The following D2HGDH variants were observed in gnomAD, a reference collection of about 807,000 sequenced individuals.
D2HGDH encodes the protein D-2-hydroxyglutarate dehydrogenase.
Under a neutral mutation model 46.9 loss-of-function variants are expected in D2HGDH, and 31 were observed. That is an observed-to-expected ratio of 0.66 (90% CI 0.50 to 0.89). The LOEUF (loss-of-function observed/expected upper bound fraction) is 0.89, where lower values mean the gene tolerates loss of function less well. Ranked by LOEUF, D2HGDH falls within the 40% of genes least tolerant of loss-of-function variation. The pLI, the probability that D2HGDH is intolerant of heterozygous loss-of-function variation, is 0.00. For synonymous variants in D2HGDH, 364 were observed against 332.6 expected (o/e 1.09, Z -1.03); for missense variants, 698 against 720.8 (o/e 0.97, Z 0.36).
chr2:241,763,618 G>C (rs899165926), intron 9 of D2HGDH, among the ~76,000 whole-genome samples: 3 of 152,098 alleles, frequency 2.0e-5, no homozygotes, highest in Non-Finnish European at 4.4e-5. Flanking sequence ...CTACAACATG[G>C]TGACATCGTC....
chr2:241,748,074 C>T (rs1210266072), intron 6 of D2HGDH, among the ~76,000 whole-genome samples: 1 of 152,148 alleles, frequency 6.6e-6, no homozygotes, highest in Non-Finnish European at 1.5e-5. Flanking sequence ...TGGTGCTACT[C>T]AGCCCCCAGG....
intron 9 of D2HGDH, among the ~76,000 whole-genome samples, chr2:241,758,100 G>C (rs2125162923): frequency 6.6e-6 from 1 of 152,330 alleles, no homozygotes; most frequent in South Asian, 2.1e-4. Context: ...AGATGAGTCT[G>C]TGTTTCTGGG....
chr2:241,746,608 G>A (rs933667404), intron 6 of D2HGDH, among the ~76,000 whole-genome samples: 2 of 152,108 alleles, frequency 1.3e-5, no homozygotes, highest in African/African-American at 2.4e-5. Context: ...ACAAAAATTA[G>A]GCTGGGCACA....
intron 8 of D2HGDH, chr2:241,755,238 C>T (rs372332124): frequency 9.0e-7 from 1 of 1,116,582 alleles, no homozygotes. Flanking sequence ...CTTCCCTCCC[C>T]CGTGGCCCAC....
intron 2 of D2HGDH, among the ~76,000 whole-genome samples, chr2:241,737,856 C>T (rs1693365367): frequency 6.6e-6 from 1 of 152,170 alleles, no homozygotes; most frequent in Non-Finnish European, 1.5e-5. Flanking sequence ...GGAACTGGCA[C>T]CAGGTCCTGG....
intron 9 of D2HGDH, among the ~76,000 whole-genome samples, chr2:241,759,959 A>G (rs989379544): frequency 6.6e-6 from 1 of 152,284 alleles, no homozygotes; most frequent in Non-Finnish European, 1.5e-5. Flanking sequence ...ATGTGTGATT[A>G]ACATTTAAAT....
chr2:241,753,171 C>G (rs981780317), intron 8 of D2HGDH, among the ~76,000 whole-genome samples: 6 of 152,222 alleles, frequency 3.9e-5, no homozygotes, highest in African/African-American at 1.4e-4. Context: ...CTGGCTCATG[C>G]TCGACGGGTA....
intron 6 of D2HGDH, among the ~76,000 whole-genome samples, chr2:241,747,243 AGT>A (rs1696097409): frequency 6.6e-6 from 1 of 152,064 alleles, no homozygotes; most frequent in Non-Finnish European, 1.5e-5. Context: ...GTCTGTTTTT[AGT>A]GTCTGTTGTT....
chr2:241,759,221 C>G (rs990239991), intron 9 of D2HGDH, among the ~76,000 whole-genome samples: 1 of 152,124 alleles, frequency 6.6e-6, no homozygotes, highest in African/African-American at 2.4e-5. Context: ...TAGAAGTATA[C>G]GTCGCGTGTT....
At position 241,768,162 on chromosome 2, in the gene D2HGDH, C is replaced by T. The variant is rs1026209541; in HGVS notation, c.*193C>T. The T allele has an allele frequency of 3.0e-5, 26 of 863,912 alleles. No homozygotes were observed. Among genetic ancestry groups the T allele is most frequent in the African/African-American group, 6.9e-5 (4 of 58,390 alleles). 53.5% of individuals were successfully genotyped at this position (863,912 alleles called of 1,614,324 possible). On this transcript the variant is annotated 3_prime_UTR_variant, in exon 10 of 10. Coordinates refer to ENST00000321264, the MANE Select transcript of D2HGDH (RefSeq NM_152783.5). Reference sequence around the variant, plus strand: ...CAGGAGCATCTGGCAGAGTGGGGGGCGTGGCAGGCACCCTCCTTTGCAGGG... The same window carrying T: ...CAGGAGCATCTGGCAGAGTGGGGGGTGTGGCAGGCACCCTCCTTTGCAGGG...
At chr2:241,749,635 T>C (rs1696756656) in intron 6 of D2HGDH, 2 of 320,442 alleles carry the variant, frequency 6.2e-6, no homozygotes, top group East Asian at 1.7e-4. Flanking sequence ...AAAGGCTGCC[T>C]GTTGCTGGCT....
At chr2:241,751,950 C>G (rs951496757) in intron 8 of D2HGDH, among the ~76,000 whole-genome samples, 1 of 151,596 alleles carries the variant, frequency 6.6e-6, no homozygotes, top group Non-Finnish European at 1.5e-5. Context: ...TCACCGTCAC[C>G]GGGGCCTGGG....
At chr2:241,749,053 G>C (rs1696618430) in intron 6 of D2HGDH, 4 of 1,003,104 alleles carry the variant, frequency 4.0e-6, no homozygotes, top group Non-Finnish European at 4.8e-6. Context: ...GCTCGGTCCA[G>C]CTCTCCAGGG....
At chr2:241,745,154 C>T (rs1234775031) in intron 6 of D2HGDH, among the ~76,000 whole-genome samples, 1 of 152,180 alleles carries the variant, frequency 6.6e-6, no homozygotes, top group Non-Finnish European at 1.5e-5. Context: ...CCTCATTCAC[C>T]CCATCGTGTT....
chr2:241,755,513 T>G, intron 8 of D2HGDH: 1 of 1,356,872 alleles, frequency 7.4e-7, no homozygotes, highest in East Asian at 4.3e-5. Flanking sequence ...GCTGTCCCCC[T>G]TCTGTGAGGT....
intron 8 of D2HGDH, among the ~76,000 whole-genome samples, chr2:241,753,851 A>G (rs1046840015): frequency 1.3e-5 from 2 of 152,262 alleles, no homozygotes; most frequent in African/African-American, 4.8e-5. Flanking sequence ...GCCTTGCCCC[A>G]TAAACTCACG....
Position 241,743,612 on chromosome 2 carries a change from C to G in D2HGDH, c.491-10C>G, listed in dbSNP as rs1385559655. ...GCCAAGTGCTGCGGCAGCCTGGTCA[C>G]TCTCTGCAGGAATTCTGGTTTGCCA... On this transcript the variant is annotated splice_polypyrimidine_tract_variant and intron_variant, in intron 4 of 9. Coordinates refer to ENST00000321264, the MANE Select transcript of D2HGDH (RefSeq NM_152783.5). This position sits in a 1 kb window ranked among gnomAD's most constrained non-coding sequence, Gnocchi z 4.8. The G allele has an allele frequency of 6.2e-7, 1 of 1,611,868 alleles. No individual in the cohort carries two copies. The highest frequency in any genetic ancestry group is 1.3e-5 in the African/African-American group (1 of 75,022).
intron 9 of D2HGDH, among the ~76,000 whole-genome samples, chr2:241,759,863 G>A (rs563115250): frequency 6.6e-6 from 1 of 152,342 alleles, no homozygotes; most frequent in South Asian, 2.1e-4. Flanking sequence ...ATGTGTGATG[G>A]TGAATTCTCT....
intron 6 of D2HGDH, among the ~76,000 whole-genome samples, chr2:241,746,789 G>A (rs1695975226): frequency 6.6e-6 from 1 of 151,842 alleles, no homozygotes; most frequent in African/African-American, 2.4e-5. Context: ...TTGGGAGGCT[G>A]AGGCAGGAGA....
Sources: allele counts gnomAD v4.1 joint callset (sites outside exome capture counted in the v4.1 genomes callset), GRCh38; gene constraint gnomAD v4.1.1; non-coding constraint Gnocchi (gnomAD v3.1); transcripts MANE v1.5; gene names NCBI Gene and HGNC (gene_info 2026-07-23, HGNC 2026-07-21).